Variants in ARB2A observed in about 807,000 individuals in gnomAD.
The protein encoded by ARB2A is cotranscriptional regulator ARB2A.
chr5:93,662,895 A>T, the ARB2A span, among the ~76,000 whole-genome samples: 1 of 152,226 alleles, frequency 6.6e-6, no homozygotes, highest in South Asian at 2.1e-4. Context: ...GAAAGCTGGG[A>T]AGTCCAAAAT....
chr5:93,865,738 G>A, the ARB2A span: 4 of 985,366 alleles, frequency 4.1e-6, no homozygotes, highest in Non-Finnish European at 4.8e-6. Context: ...TTCTCAGTCT[G>A]CTTTGGGAAA....
chr5:93,721,753 C>T, the ARB2A span, among the ~76,000 whole-genome samples: 1 of 152,144 alleles, frequency 6.6e-6, no homozygotes, highest in African/African-American at 2.4e-5. Context: ...AAGAAGATGG[C>T]CTGTTCTGGA....
chr5:93,934,612 A>C, the ARB2A span, among the ~76,000 whole-genome samples: 2 of 152,158 alleles, frequency 1.3e-5, no homozygotes, highest in African/African-American at 4.8e-5. Flanking sequence ...AGGGAAGCCT[A>C]CTGGAGGCCC....
chr5:93,838,793 C>CT, the ARB2A span, among the ~76,000 whole-genome samples: 7 of 152,026 alleles, frequency 4.6e-5, no homozygotes, highest in African/African-American at 7.2e-5. Context: ...ATATTTTATT[C>CT]TTTTTTGTGG....
the ARB2A span, among the ~76,000 whole-genome samples, chr5:93,927,448 C>G: frequency 6.6e-6 from 1 of 152,126 alleles, no homozygotes; most frequent in Non-Finnish European, 1.5e-5. Flanking sequence ...GCTCCTCCTC[C>G]CTCACCCCGG....
chr5:93,706,828 T>C, the ARB2A span, among the ~76,000 whole-genome samples: 13 of 149,632 alleles, frequency 8.7e-5, no homozygotes, highest in Admixed American at 8.7e-4. Flanking sequence ...ATTGCGCCAC[T>C]GCACCCTAGC....
At chr5:93,926,774 T>C in the ARB2A span, among the ~76,000 whole-genome samples, 1 of 151,892 alleles carries the variant, frequency 6.6e-6, no homozygotes, top group South Asian at 2.1e-4. Context: ...TTTTTTTTTT[T>C]AGTACTAACA....
chr5:93,918,799 T>C, the ARB2A span, among the ~76,000 whole-genome samples: 1 of 152,202 alleles, frequency 6.6e-6, no homozygotes, highest in Non-Finnish European at 1.5e-5. Context: ...GTTTATTTTC[T>C]TTCCCAATTT....
At chr5:93,995,143 CTG>C in the ARB2A span, among the ~76,000 whole-genome samples, 1 of 152,156 alleles carries the variant, frequency 6.6e-6, no homozygotes. Flanking sequence ...ATAAAACTCA[CTG>C]TAGTACATAC....
At chr5:93,835,402 G>A in the ARB2A span, among the ~76,000 whole-genome samples, 1 of 152,190 alleles carries the variant, frequency 6.6e-6, no homozygotes, top group African/African-American at 2.4e-5. Flanking sequence ...TGCCAAATTT[G>A]ACAGATTTTT....
chr5:93,874,036 A>G, the ARB2A span, among the ~76,000 whole-genome samples: 1 of 152,220 alleles, frequency 6.6e-6, no homozygotes, highest in Non-Finnish European at 1.5e-5. Flanking sequence ...CTACAGATCT[A>G]AAACAAATTT....
chr5:93,766,523 A>C, the ARB2A span, among the ~76,000 whole-genome samples: 3 of 152,300 alleles, frequency 2.0e-5, no homozygotes, highest in African/African-American at 4.8e-5. Flanking sequence ...GGCAATCATT[A>C]AAAAGTCAGG....
At chr5:93,968,718 C>G in the ARB2A span, among the ~76,000 whole-genome samples, 1 of 151,932 alleles carries the variant, frequency 6.6e-6, no homozygotes, top group African/African-American at 2.4e-5. Context: ...GAAGTGCAGA[C>G]AGCATCAAGC....
At chr5:93,790,867 T>C in the ARB2A span, among the ~76,000 whole-genome samples, 2 of 152,236 alleles carry the variant, frequency 1.3e-5, no homozygotes, top group African/African-American at 4.8e-5. Context: ...CTTAGATTTT[T>C]ATTTTTGGTT....
chr5:93,970,345 T>C, the ARB2A span, among the ~76,000 whole-genome samples: 1,726 of 152,154 alleles, frequency 0.011, 27 homozygotes, highest in African/African-American at 0.039. Flanking sequence ...TTTAAATATA[T>C]CTATAAAATT....
the ARB2A span, chr5:94,074,680 A>C: frequency 1.9e-6 from 3 of 1,612,650 alleles, no homozygotes; most frequent in Non-Finnish European, 2.5e-6. Context: ...TTTCATCTGG[A>C]CCTCCCTGCT....
the ARB2A span, among the ~76,000 whole-genome samples, chr5:94,023,637 C>T: frequency 6.6e-6 from 1 of 152,204 alleles, no homozygotes; most frequent in Non-Finnish European, 1.5e-5. Flanking sequence ...ATAAAACCAA[C>T]TGCTGATGAC....
At chr5:93,851,174 T>G in the ARB2A span, among the ~76,000 whole-genome samples, 1 of 152,094 alleles carries the variant, frequency 6.6e-6, no homozygotes, top group Non-Finnish European at 1.5e-5. Context: ...TTAAAACGAG[T>G]GAAAATGCTT....
chr5:93,658,961 T>TG, the ARB2A span, among the ~76,000 whole-genome samples: 1 of 17,300 alleles, frequency 5.8e-5, no homozygotes, highest in African/African-American at 2.4e-4. Flanking sequence ...TACGTGGGGG[T>TG]GGGGGTGGGG....
Sources: gnomAD v4.1 joint callset for allele counts (sites outside exome capture counted in the v4.1 genomes callset) on GRCh38, gnomAD v4.1.1 for gene constraint, MANE v1.5 for transcripts, NCBI Gene and HGNC (gene_info 2026-07-23, HGNC 2026-07-21) for gene names.